C13orf46: variants seen among roughly 807,000 people sequenced by gnomAD.
C13orf46 encodes the protein uncharacterized protein C13orf46.
At chr13:113,967,828 C>T in intron 4 of C13orf46, among the ~76,000 whole-genome samples, 1 of 152,178 alleles carries the variant, frequency 6.6e-6, no homozygotes, top group East Asian at 1.9e-4. Flanking sequence ...CCACACTCCA[C>T]ACCAAGGAGC....
the C13orf46 span, among the ~76,000 whole-genome samples, chr13:113,934,299 T>C: frequency 6.6e-6 from 1 of 152,070 alleles, no homozygotes; most frequent in African/African-American, 2.4e-5. Context: ...CTATGATCGT[T>C]TGTGTGACTA....
At chr13:113,960,380 G>T (rs917919801) in intron 6 of C13orf46, among the ~76,000 whole-genome samples, 1 of 152,180 alleles carries the variant, frequency 6.6e-6, no homozygotes, top group Non-Finnish European at 1.5e-5. Flanking sequence ...AAGAGGTTTT[G>T]ATTTTTAACT....
At chr13:113,964,806 G>A (rs2052620467) in intron 6 of C13orf46, 121 bp downstream of exon 6, 1 of 152,260 alleles carries the variant, frequency 6.6e-6, no homozygotes, top group Non-Finnish European at 1.5e-5. Context: ...CAGGGAGAAG[G>A]GGGGACCGCC....
the C13orf46 span, among the ~76,000 whole-genome samples, chr13:113,929,011 C>G: frequency 6.6e-6 from 1 of 152,246 alleles, no homozygotes; most frequent in Non-Finnish European, 1.5e-5. Context: ...AACCAATGGG[C>G]TCCAGTAGCC....
the C13orf46 span, among the ~76,000 whole-genome samples, chr13:113,943,605 G>T: frequency 6.6e-6 from 1 of 152,146 alleles, no homozygotes; most frequent in Non-Finnish European, 1.5e-5. Context: ...GTAGAACGAG[G>T]CATGTCTGAC....
intron 6 of C13orf46, among the ~76,000 whole-genome samples, chr13:113,959,295 G>A (rs922842764): frequency 3.3e-5 from 5 of 152,188 alleles, no homozygotes; most frequent in African/African-American, 1.2e-4. Context: ...AAAGATTCTA[G>A]GAAGAAATGG....
the C13orf46 span, among the ~76,000 whole-genome samples, chr13:113,945,638 AAG>A: frequency 7.3e-6 from 1 of 136,610 alleles, no homozygotes; most frequent in Non-Finnish European, 1.6e-5. Context: ...GAAAGAAAGA[AAG>A]AAAGAAAGAA....
chr13:113,955,349 TGGAGAGGAGGAGCATCCGGC>T lies in C13orf46; in HGVS notation c.*1404_*1423del, dbSNP rs1383629575. On this transcript the variant is annotated 3_prime_UTR_variant, in exon 7 of 7. Coordinates refer to ENST00000636427, the MANE Select transcript of C13orf46 (RefSeq NM_001365455.2). Reference sequence around the variant, plus strand: ...GGTGGAGAGGAGGAGTAGTATCTGGTGGAGAGGAGGAGCATCCGGCGGAGAGGAGGAGCATCCGGCGGAGA... The same window carrying T: ...GGTGGAGAGGAGGAGTAGTATCTGGTGGAGAGGAGGAGCATCCGGCGGAGA... 2.3e-4 allele frequency: 30 copies of T among 128,176 alleles called. No homozygotes were observed. The East Asian group carries it at 3.4e-3, about 14-fold the overall frequency. The allele number at this position is 128,176 out of a possible 1,614,324, so 7.9% of individuals were successfully genotyped here.
At chr13:113,945,601 GAAAGAAGAAAGAAAGAAAGA>G in the C13orf46 span, among the ~76,000 whole-genome samples, 10 of 114,334 alleles carry the variant, frequency 8.7e-5, no homozygotes, top group Middle Eastern at 4.5e-3. Flanking sequence ...GAGAAAGAAA[GAAAGAAGAAAGAAAGAAAGA>G]AAGAAAGAAA....
the C13orf46 span, among the ~76,000 whole-genome samples, chr13:113,948,410 G>C: frequency 6.6e-6 from 1 of 152,226 alleles, no homozygotes; most frequent in Non-Finnish European, 1.5e-5. Flanking sequence ...TACTCGGAAA[G>C]CTACATGAGA....
chr13:113,930,717 C>T, the C13orf46 span, among the ~76,000 whole-genome samples: 2 of 152,324 alleles, frequency 1.3e-5, no homozygotes, highest in Admixed American at 6.5e-5. Context: ...GAAGCTGAAG[C>T]CTTGGTTTCC....
chr13:113,956,823 C>T lies in C13orf46; in HGVS notation c.589G>A (p.Val197Met), dbSNP rs1488791247. The T allele has an allele frequency of 6.6e-6, 1 of 152,328 alleles. No homozygotes were observed. Among genetic ancestry groups the T allele is most frequent in the African/African-American group, 2.4e-5 (1 of 41,446 alleles). The allele number at this position is 152,328 out of a possible 1,614,324, so 9.4% of individuals were successfully genotyped here. ...CTGGTGGAGTACGGGATGCAGCACA[C>T]CCAGCTGGTCTGCATCCTGCAGGGC... ...LSEDEMQTSW[V>M]CCIPYSTRKR... The change falls in exon 7 of 7, where the codon GTG becomes ATG. Residue 197 changes from valine to methionine, a missense_variant. By Grantham distance (21) the Val-to-Met change is conservative (BLOSUM62 1). Coordinates refer to ENST00000636427, the MANE Select transcript of C13orf46 (RefSeq NM_001365455.2).
chr13:113,949,389 A>G (rs1407570998), downstream of C13orf46, among the ~76,000 whole-genome samples: 3 of 152,228 alleles, frequency 2.0e-5, no homozygotes, highest in African/African-American at 7.2e-5. Context: ...TACGGCTGTC[A>G]TCAGAAGTAG....
intron 5 of C13orf46, among the ~76,000 whole-genome samples, chr13:113,967,140 G>A (rs1245257512): frequency 2.6e-5 from 4 of 152,164 alleles, no homozygotes; most frequent in African/African-American, 7.2e-5. Flanking sequence ...GAGTGTGGGA[G>A]GGTAAGGAAG....
rs926624350 is a variant in C13orf46, at chr13:113,959,841, A to C, written c.573-3002T>G. On this transcript the variant is annotated intron_variant, in intron 6 of 6. Transcript: ENST00000636427. ...AGTGTAGGACAAAGCACAAAGTCCAAGCATGTCAGAATGGTCTGTAAAAGT... is the reference window on the plus strand; with the variant it reads ...AGTGTAGGACAAAGCACAAAGTCCACGCATGTCAGAATGGTCTGTAAAAGT... Among the ~76,000 whole-genome samples, 261 of 152,378 alleles carry C rather than the reference A, an allele frequency of 1.7e-3. 8 individuals are homozygous for C. The South Asian group carries it at 0.045, about 26-fold the overall frequency.
In C13orf46 at chr13:113,955,202, G is replaced by T; in HGVS notation, c.*1571C>A. 4.7e-6 allele frequency: 1 copy of T among 210,992 alleles called. No homozygotes were observed. The highest frequency in any genetic ancestry group is 5.4e-5 in the South Asian group (1 of 18,444). 13.1% of individuals were successfully genotyped at this position (210,992 alleles called of 1,614,324 possible). Reference sequence around the variant, plus strand: ...ATCTGGTGGAGAGGAGGAGCATCCCGTGGAGACGAGGAGCATCCCGTGGAG... The same window carrying T: ...ATCTGGTGGAGAGGAGGAGCATCCCTTGGAGACGAGGAGCATCCCGTGGAG... On this transcript the variant is annotated 3_prime_UTR_variant, in exon 7 of 7. Transcript: ENST00000636427.
At chr13:113,945,620 GA>G in the C13orf46 span, among the ~76,000 whole-genome samples, 380 of 118,950 alleles carry the variant, frequency 3.2e-3, 1 homozygote, top group Middle Eastern at 0.024. Context: ...AAGAAAGAAA[GA>G]AAGAAAGAAA....
the C13orf46 span, among the ~76,000 whole-genome samples, chr13:113,936,636 C>T: frequency 6.6e-6 from 1 of 152,174 alleles, no homozygotes; most frequent in African/African-American, 2.4e-5. Context: ...ATCAGCCTCC[C>T]TGAAAATGCA....
rs2052674489 is a variant in C13orf46 at position 113,968,723 on chromosome 13, T to G, written c.280A>C (p.Ser94Arg). 6.6e-6 allele frequency: 1 copy of G among 152,346 alleles called. No individual in the cohort carries two copies. The highest frequency in any genetic ancestry group is 1.9e-4 in the East Asian group (1 of 5,192). 9.4% of individuals were successfully genotyped at this position (152,346 alleles called of 1,614,324 possible). ...NLAQDKKESFSTLGKLGHESG... is the reference protein window; with the variant it reads ...NLAQDKKESFRTLGKLGHESG... Reference sequence around the variant, plus strand: ...TCATGACCCAGCTTCCCAAGGGTGCTGAAGCTTTCCTTCTTGTCTTGTGCT... The same window carrying G: ...TCATGACCCAGCTTCCCAAGGGTGCGGAAGCTTTCCTTCTTGTCTTGTGCT... Residue 94 changes from serine to arginine, a missense_variant, in exon 3 of 7, where the codon AGC becomes CGC. Physicochemically the swap from Ser to Arg is moderately radical, Grantham distance 110. Coordinates refer to ENST00000636427, the MANE Select transcript of C13orf46 (RefSeq NM_001365455.2).
Sources: allele counts gnomAD v4.1 joint callset (sites outside exome capture counted in the v4.1 genomes callset), GRCh38; gene constraint gnomAD v4.1.1; transcripts MANE v1.5; gene names NCBI Gene and HGNC (gene_info 2026-07-23, HGNC 2026-07-21).